SCHIP1: variants seen among roughly 807,000 people sequenced by gnomAD.
SCHIP1 encodes the protein schwannomin-interacting protein 1.
SCHIP1 carries 8 observed loss-of-function variants against 29.7 expected under a neutral mutation model. The ratio of observed to expected loss-of-function variants is 0.27; its 90% CI spans 0.16 to 0.49. The LOEUF (loss-of-function observed/expected upper bound fraction) is 0.49, where lower values mean the gene tolerates loss of function less well. Among genes scored for constraint, SCHIP1 ranks in the 20% least tolerant of loss-of-function variants. The pLI is 0.99. For synonymous variants in SCHIP1, 76 were observed against 94.9 expected, an observed-to-expected ratio of 0.80 and a Z score of 1.16; for missense variants, 193 against 294.6, an observed-to-expected ratio of 0.66 and a Z score of 2.52.
chr3:159,853,172 G>T (rs984353249), intron 1 of SCHIP1: 2 of 426,268 alleles, frequency 4.7e-6, no homozygotes, highest in East Asian at 3.6e-5. Flanking sequence ...GCAGCTGCCC[G>T]GTGCCAGAGC....
chr3:159,344,087 C>T, the SCHIP1 span, among the ~76,000 whole-genome samples: 5 of 152,022 alleles, frequency 3.3e-5, no homozygotes, highest in Admixed American at 2.6e-4. Flanking sequence ...AATCCAGGCA[C>T]TTTGGGAGGC....
chr3:159,645,413 CT>C, the SCHIP1 span, among the ~76,000 whole-genome samples: 1 of 152,060 alleles, frequency 6.6e-6, no homozygotes, highest in Non-Finnish European at 1.5e-5. Flanking sequence ...GCCTTATATC[CT>C]ACAAAAAAGA....
At chr3:159,828,374 T>TATATATAC in the SCHIP1 span, among the ~76,000 whole-genome samples, 41 of 94,732 alleles carry the variant, frequency 4.3e-4, 1 homozygote, top group African/African-American at 1.8e-3. Context: ...TATATATATA[T>TATATATAC]ACATATATAT....
intron 1 of SCHIP1, among the ~76,000 whole-genome samples, chr3:159,863,797 T>A (rs1577454281): frequency 3.9e-5 from 6 of 152,274 alleles, no homozygotes; most frequent in Admixed American, 3.9e-4. Flanking sequence ...TAGTGAAGTA[T>A]TTGGGTGTAA....
chr3:159,454,895 T>C, the SCHIP1 span, among the ~76,000 whole-genome samples: 1 of 152,212 alleles, frequency 6.6e-6, no homozygotes, highest in African/African-American at 2.4e-5. Flanking sequence ...ATTTAAGCCA[T>C]GAAGTCAAGA....
At chr3:159,396,459 C>T in the SCHIP1 span, among the ~76,000 whole-genome samples, 408 of 147,310 alleles carry the variant, frequency 2.8e-3, no homozygotes, top group Admixed American at 4.5e-3. Flanking sequence ...CGGCTGGTAC[C>T]GGTTGTTCCT....
chr3:159,423,636 G>GACAACGCACAA, the SCHIP1 span, among the ~76,000 whole-genome samples: 5 of 152,270 alleles, frequency 3.3e-5, no homozygotes, highest in African/African-American at 9.6e-5. Flanking sequence ...GCAGCGCACA[G>GACAACGCACAA]ACAAACAAAA....
At chr3:159,560,790 G>A in the SCHIP1 span, among the ~76,000 whole-genome samples, 6 of 152,024 alleles carry the variant, frequency 3.9e-5, no homozygotes, top group Non-Finnish European at 7.3e-5. Context: ...AATACTGAGA[G>A]GCCTGCAGCA....
the SCHIP1 span, among the ~76,000 whole-genome samples, chr3:159,727,846 C>G: frequency 6.6e-6 from 1 of 152,014 alleles, no homozygotes; most frequent in African/African-American, 2.4e-5. Flanking sequence ...GCCTCATGCA[C>G]TGGTCAGTCC....
At chr3:159,582,301 C>T in the SCHIP1 span, among the ~76,000 whole-genome samples, 1 of 151,986 alleles carries the variant, frequency 6.6e-6, no homozygotes, top group South Asian at 2.1e-4. Context: ...GTAGCTGGGA[C>T]TACAGGCTTG....
At chr3:159,374,679 T>C in the SCHIP1 span, among the ~76,000 whole-genome samples, 1 of 152,216 alleles carries the variant, frequency 6.6e-6, no homozygotes, top group Non-Finnish European at 1.5e-5. Context: ...TTCAACCTTA[T>C]GACTCTATTA....
At chr3:159,630,836 C>T in the SCHIP1 span, among the ~76,000 whole-genome samples, 1 of 152,066 alleles carries the variant, frequency 6.6e-6, no homozygotes, top group Non-Finnish European at 1.5e-5. Context: ...TTCATGTAAC[C>T]AAACACCACC....
chr3:159,463,102 ATCTC>A, the SCHIP1 span, among the ~76,000 whole-genome samples: 1 of 151,778 alleles, frequency 6.6e-6, no homozygotes, highest in East Asian at 1.9e-4. Flanking sequence ...AATATTGTCA[ATCTC>A]TATATATAGT....
chr3:159,486,974 G>C, the SCHIP1 span, among the ~76,000 whole-genome samples: 1 of 152,204 alleles, frequency 6.6e-6, no homozygotes, highest in African/African-American at 2.4e-5. Flanking sequence ...GGGGAGAGTA[G>C]ATATTTTTTG....
At chr3:159,811,301 A>C in the SCHIP1 span, among the ~76,000 whole-genome samples, 1 of 152,278 alleles carries the variant, frequency 6.6e-6, no homozygotes, top group South Asian at 2.1e-4. Context: ...ATTTTGATGA[A>C]GTCAATTTTT....
chr3:159,412,453 T>A, the SCHIP1 span, among the ~76,000 whole-genome samples: 4,059 of 152,294 alleles, frequency 0.027, 176 homozygotes, highest in African/African-American at 0.093. Context: ...CATCCTGACA[T>A]GATACATACA....
the SCHIP1 span, among the ~76,000 whole-genome samples, chr3:159,553,436 G>A: frequency 6.6e-6 from 1 of 152,098 alleles, no homozygotes; most frequent in East Asian, 1.9e-4. Context: ...TTGTCTAGAT[G>A]TTCAATGTAT....
the SCHIP1 span, among the ~76,000 whole-genome samples, chr3:159,678,638 G>A: frequency 1.5e-4 from 23 of 152,246 alleles, no homozygotes; most frequent in African/African-American, 2.9e-4. Flanking sequence ...TCGGATCAAC[G>A]GCACTAGCTG....
chr3:159,535,471 T>C, the SCHIP1 span, among the ~76,000 whole-genome samples: 1 of 152,190 alleles, frequency 6.6e-6, no homozygotes, highest in African/African-American at 2.4e-5. Context: ...CAGGTCCTGC[T>C]TCCTCCTGGT....
Sources: gnomAD v4.1 joint callset for allele counts (sites outside exome capture counted in the v4.1 genomes callset) on GRCh38, gnomAD v4.1.1 for gene constraint, MANE v1.5 for transcripts, NCBI Gene and HGNC (gene_info 2026-07-23, HGNC 2026-07-21) for gene names.